ARAP3: variants seen among roughly 807,000 people sequenced by gnomAD.
ARAP3 encodes arf-GAP with Rho-GAP domain, ANK repeat and PH domain-containing protein 3.
A neutral mutation model predicts 169.2 loss-of-function variants in ARAP3; 82 were observed. That is an observed-to-expected ratio of 0.48 (90% CI 0.41 to 0.58). ARAP3 has a LOEUF of 0.58. Among genes scored for constraint, ARAP3 ranks in the 20% least tolerant of loss-of-function variants. The probability of loss-of-function intolerance (pLI) is 0.00; values close to 1 mark genes in which losing one functional copy is unlikely to be tolerated. For missense variants in ARAP3, 1,764 were observed against 2,018.0 expected (o/e 0.87, Z 2.41); for synonymous variants, 791 against 800.3 (o/e 0.99, Z 0.20).
chr5:141,658,771 C>A (rs1055197775), intron 23 of ARAP3, 118 bp from the exon 24 acceptor site: 19 of 841,812 alleles, frequency 2.3e-5, no homozygotes, highest in Non-Finnish European at 2.9e-5. Context: ...TCCTCCCAAC[C>A]CCAATGTCAC....
At position 141,679,687 on chromosome 5, in the gene ARAP3, A is replaced by G. The variant is rs778011664; in HGVS notation, c.587-31T>C. On this transcript the variant is annotated intron_variant, in intron 3 of 32. Transcript: ENST00000239440. ...AGGAGGAGAGGGGAACGCACAAGGA[A>G]GAGGAGATCGCTGGGAGTGTATGAG... 1.9e-6 allele frequency: 3 copies of G among 1,613,872 alleles called. No individual in the cohort carries two copies. The Admixed American group carries it at 5.0e-5, about 27-fold the overall frequency.
In ARAP3 at chr5:141,671,267, G is replaced by A; in HGVS notation, c.1988C>T (p.Ser663Leu). ...PDGSCPGLLP[S>L]DPSPGVYNEV... is the part of the protein sequence containing the mutation. ...GAGGAGGCACTTGGGGGAATGACCT[G>A]AGGGCAAGAGGCCAGGGCAGCTGCC... is the stretch of plus-strand genomic sequence containing the variant. Residue 663 changes from serine (S) to leucine (L), a missense_variant and splice_region_variant, in exon 13 of 33, where the codon TCA becomes TTA. Ser to Leu is a moderately radical substitution (Grantham distance 145, BLOSUM62 -2). Coordinates refer to ENST00000239440, the MANE Select transcript of ARAP3 (RefSeq NM_022481.6). The surrounding 1 kb of genome is among the most constrained non-coding windows in gnomAD (Gnocchi z 4.9). 1.9e-6 allele frequency: 3 copies of A among 1,602,760 alleles called. No individual in the cohort carries two copies. Among genetic ancestry groups the A allele is most frequent in the South Asian group, 2.2e-5 (2 of 89,556 alleles).
In ARAP3 at chr5:141,653,858, T is replaced by C. The variant is rs975515130; in HGVS notation, c.*92A>G. On this transcript the variant is annotated 3_prime_UTR_variant, in exon 33 of 33. Transcript: ENST00000239440. ...CAGCACCACACTGGATTCTGGAGTC[T>C]TTCCAGCCAGGGCAGAGGAAGCTGC... 1.4e-5 allele frequency: 21 copies of C among 1,486,674 alleles called. No individual in the cohort carries two copies. The highest frequency in any genetic ancestry group is 1.8e-5 in the Non-Finnish European group (20 of 1,115,796). 92.1% of individuals were successfully genotyped at this position (1,486,674 alleles called of 1,614,324 possible). A position where few individuals can be genotyped will look rare whatever the true frequency, so the allele number is the denominator to read the frequency against.
intron 30 of ARAP3, 47 bp from the exon 31 acceptor site, chr5:141,655,805 G>C (rs764690059): frequency 1.2e-6 from 2 of 1,614,036 alleles, no homozygotes; most frequent in South Asian, 2.2e-5. Context: ...GAAAGGCACT[G>C]AGGAGGACAG....
intron 13 of ARAP3, 95 bp from the exon 14 acceptor site, chr5:141,670,723 A>T: frequency 1.0e-6 from 1 of 1,003,000 alleles, no homozygotes; most frequent in Non-Finnish European, 1.5e-6. Flanking sequence ...AGACAGTGGG[A>T]CCTGACTCCA....
chr5:141,665,513 C>T, intron 17 of ARAP3, 139 bp from the exon 18 acceptor site: 1 of 793,870 alleles, frequency 1.3e-6, no homozygotes, highest in Non-Finnish European at 2.0e-6. Flanking sequence ...GAGTTATGTA[C>T]TATTATTCCC....
rs10051674 is a variant in ARAP3 at position 141,654,965 on chromosome 5, C to G, written c.4149+397G>C. Among the ~76,000 whole-genome samples, 1,126 of 152,156 alleles carry G rather than the reference C, an allele frequency of 7.4e-3. 19 individuals are homozygous for G. The highest frequency in any genetic ancestry group is 0.026 in the African/African-American group (1,063 of 41,484). On this transcript the variant is annotated intron_variant, in intron 32 of 32. Transcript: ENST00000239440. Reference sequence around the variant, plus strand: ...TGTCGATTAGACTGGTCTTGAACTCCTGACCTCAGGGGATCCACCCACCTC... The same window carrying G: ...TGTCGATTAGACTGGTCTTGAACTCGTGACCTCAGGGGATCCACCCACCTC...
Position 141,670,526 on chromosome 5 carries a change from C to A in ARAP3, c.2093G>T (p.Arg698Leu), listed in dbSNP as rs573881139. 14 of 1,613,820 alleles carry A rather than the reference C, an allele frequency of 8.7e-6. No homozygotes were observed. In the African/African-American group the frequency reaches 1.1e-4, roughly 12 times the overall value. Residue 698 changes from arginine (R) to leucine (L), a missense_variant, in exon 14 of 33, where the codon CGC becomes CTC. Coordinates refer to ENST00000239440, the MANE Select transcript of ARAP3 (RefSeq NM_022481.6). The stretch of plus-strand genomic sequence containing the variant: ...CTCCCCCTCACCATCCCGGCCCCTG[C>A]GAGGGGGTGAGGGTCCAGCTTTGTT... ...VSNKAGPSPP[R>L]RGRDAPPRLW...
At chr5:141,681,810 G>A (rs1182968938) in intron 1 of ARAP3, among the ~76,000 whole-genome samples, 1 of 152,060 alleles carries the variant, frequency 6.6e-6, no homozygotes, top group East Asian at 1.9e-4. Context: ...GCCTCCCTCT[G>A]CCTCTCTCCA....
rs1170896549 is a variant in ARAP3, at chr5:141,672,304, G to A, written c.1386-3C>T. On this transcript the variant is annotated splice_region_variant and splice_polypyrimidine_tract_variant and intron_variant, in intron 9 of 32. Transcript: ENST00000239440. This position sits in a 1 kb window ranked among gnomAD's most constrained non-coding sequence, Gnocchi z 4.9. ...CACCCCCAGACTCGGCTGTGAAGCT[G>A]AGGGGTGGACAGCCAGTCCATGGGC... 6.2e-7 allele frequency: 1 copy of A among 1,613,990 alleles called. No individual in the cohort carries two copies.
chr5:141,677,243 C>T (rs1226864300), intron 4 of ARAP3, among the ~76,000 whole-genome samples: 5 of 152,032 alleles, frequency 3.3e-5, no homozygotes. Flanking sequence ...ATTCTGTAAT[C>T]AACATAAAAA....
chr5:141,656,667 G>A (rs2099909303), intron 26 of ARAP3, 30 bp from the exon 27 acceptor site: 1 of 1,613,220 alleles, frequency 6.2e-7, no homozygotes, highest in African/African-American at 1.3e-5. Flanking sequence ...CCTGGGTGGA[G>A]GATGCTAGGG....
chr5:141,675,783 C>G (rs1266882395), intron 4 of ARAP3, among the ~76,000 whole-genome samples: 1 of 152,178 alleles, frequency 6.6e-6, no homozygotes, highest in Non-Finnish European at 1.5e-5. Flanking sequence ...CTACTGCAGC[C>G]TCTGTTTCCT....
chr5:141,658,586 G>A lies in ARAP3; in HGVS notation c.3404C>T (p.Thr1135Ile), dbSNP rs1306113000. 3 of 1,613,600 alleles carry A rather than the reference G, an allele frequency of 1.9e-6. No individual in the cohort carries two copies. Among genetic ancestry groups the A allele is most frequent in the East Asian group, 2.2e-5 (1 of 44,890 alleles). Residue 1135 changes from threonine (T) to isoleucine (I), a missense_variant, in exon 24 of 33, where the codon ACC becomes ATC. Coordinates refer to ENST00000239440, the MANE Select transcript of ARAP3 (RefSeq NM_022481.6). ...IEQQLPDNCV[T>I]LKVSPTLTAE... Reference sequence around the variant, plus strand: ...AGTCCCCTCAGGACCAACCTTCAGGGTGACACAGTTGTCTGGGAGCTGCTG... The same window carrying A: ...AGTCCCCTCAGGACCAACCTTCAGGATGACACAGTTGTCTGGGAGCTGCTG...
chr5:141,656,142 G>A (rs375912874), intron 28 of ARAP3, 43 bp from the exon 29 acceptor site: 2 of 1,614,118 alleles, frequency 1.2e-6, no homozygotes, highest in Non-Finnish European at 1.7e-6. Context: ...GAAAGGGCAG[G>A]GGGGTGAAGG....
intron 17 of ARAP3, among the ~76,000 whole-genome samples, chr5:141,666,052 A>AAATAATAAT (rs1161155267): frequency 2.1e-5 from 3 of 140,856 alleles, no homozygotes; most frequent in African/African-American, 8.1e-5. Context: ...AAAAAAAAAA[A>AAATAATAAT]AATAATAATA....
chr5:141,665,511 T>A, intron 17 of ARAP3, 137 bp from the exon 18 acceptor site: 1 of 831,028 alleles, frequency 1.2e-6, no homozygotes, highest in South Asian at 1.7e-5. Flanking sequence ...ATGAGTTATG[T>A]ACTATTATTC....
At chr5:141,658,530 T>C (rs368035141) in intron 24 of ARAP3, 49 bp downstream of exon 24, 20 of 1,613,782 alleles carry the variant, frequency 1.2e-5, no homozygotes, top group Middle Eastern at 1.6e-4. Flanking sequence ...CTATTGCCCC[T>C]GGAACCTCAC....
At chr5:141,673,355 C>G (rs1179225479) in intron 6 of ARAP3, 46 bp downstream of exon 6, 1 of 1,612,060 alleles carries the variant, frequency 6.2e-7, no homozygotes, top group Non-Finnish European at 8.5e-7. Flanking sequence ...CCTCTCAGCC[C>G]TCCCTCTCCC....
Sources: allele counts gnomAD v4.1 joint callset (sites outside exome capture counted in the v4.1 genomes callset), GRCh38; gene constraint gnomAD v4.1.1; non-coding constraint Gnocchi (gnomAD v3.1); transcripts MANE v1.5; gene names NCBI Gene and HGNC (gene_info 2026-07-23, HGNC 2026-07-21).